CDYL2: variants seen among roughly 807,000 people sequenced by gnomAD.
CDYL2 encodes the protein chromodomain Y like 2.
A neutral mutation model predicts 49.4 loss-of-function variants in CDYL2; 23 were observed. The observed-to-expected ratio is 0.47, with a 90% CI of 0.34 to 0.66. CDYL2 has a LOEUF of 0.66. CDYL2 is among the 30% of genes least tolerant of loss of function. The pLI is 0.01. For missense variants in CDYL2, 678 were observed against 656.4 expected, an observed-to-expected ratio of 1.03 and a Z score of -0.36; for synonymous variants, 360 against 268.8, an observed-to-expected ratio of 1.34 and a Z score of -3.32.
At chr16:80,776,626 T>A (rs1907092149) in intron 1 of CDYL2, among the ~76,000 whole-genome samples, 1 of 150,294 alleles carries the variant, frequency 6.7e-6, no homozygotes, top group Admixed American at 6.6e-5. Context: ...TAATATTTTG[T>A]GTATTTATAT....
chr16:80,723,467 G>C (rs1364433348), intron 1 of CDYL2, among the ~76,000 whole-genome samples: 1 of 152,132 alleles, frequency 6.6e-6, no homozygotes, highest in Non-Finnish European at 1.5e-5. Context: ...TAAACTCCAG[G>C]TTCCCCAAAT....
chr16:80,612,625 C>A lies in CDYL2; in HGVS notation c.1218+1G>T. 1 of 1,601,758 alleles carries A rather than the reference C, an allele frequency of 6.2e-7. No individual in the cohort carries two copies. ...GAATCCAGGTATCACAGGAGGCTTA[C>A]CAGCGCGACGCCCAGGATCTGGGGG... On this transcript the variant is annotated splice_donor_variant, in intron 5 of 6. Transcript: ENST00000570137. LOFTEE classifies it high-confidence loss of function. This position sits in a 1 kb window ranked among gnomAD's most constrained non-coding sequence, Gnocchi z 5.0.
At chr16:80,641,909 A>G (rs1016013829) in intron 2 of CDYL2, among the ~76,000 whole-genome samples, 23 of 134,714 alleles carry the variant, frequency 1.7e-4, no homozygotes, top group Admixed American at 7.7e-4. Context: ...ATAAAAAAAT[A>G]AAAAAAAAAA....
chr16:80,629,467 T>C (rs1273495733), intron 3 of CDYL2, among the ~76,000 whole-genome samples: 5 of 152,180 alleles, frequency 3.3e-5, no homozygotes, highest in Non-Finnish European at 7.4e-5. Flanking sequence ...GTCTGCTGTG[T>C]TCCTGAGAGT....
At chr16:80,620,738 G>C in intron 4 of CDYL2, 25 bp downstream of exon 4, 1 of 1,557,838 alleles carries the variant, frequency 6.4e-7, no homozygotes, top group Middle Eastern at 1.7e-4. Flanking sequence ...GGACCCCAGG[G>C]TGTGTGAAAA....
At chr16:80,621,051 G>A (rs1015845297) in intron 3 of CDYL2, 116 bp from the exon 4 acceptor site, 1 of 1,188,354 alleles carries the variant, frequency 8.4e-7, no homozygotes, top group Non-Finnish European at 1.1e-6. Context: ...CAGGGAATCT[G>A]CTTCTGCCTG....
At chr16:80,616,362 G>A (rs944466425) in intron 4 of CDYL2, among the ~76,000 whole-genome samples, 2 of 152,174 alleles carry the variant, frequency 1.3e-5, no homozygotes, top group African/African-American at 2.4e-5. Context: ...TATTATTATG[G>A]GTAGTGCATC....
chr16:80,626,232 G>A (rs371859472), intron 3 of CDYL2, among the ~76,000 whole-genome samples: 87 of 136,264 alleles, frequency 6.4e-4, no homozygotes, highest in African/African-American at 1.6e-3. Context: ...AACCGAGATC[G>A]TACCACCGTA....
Position 80,704,153 on chromosome 16 carries a change from T to G in CDYL2, c.25-19024A>C, listed in dbSNP as rs142864188. On this transcript the variant is annotated intron_variant, in intron 1 of 6. Transcript: ENST00000570137. ...AAACCTCATTAACCAACTCCCTTCT[T>G]TCCTTTCGCACCCTCATCCAAGCCA... Among the ~76,000 whole-genome samples, 258 of 152,264 alleles carry G rather than the reference T, an allele frequency of 1.7e-3. 2 individuals are homozygous for G. Among genetic ancestry groups the G allele is most frequent in the African/African-American group, 6.0e-3 (248 of 41,556 alleles).
chr16:80,760,707 T>C (rs555483771), intron 1 of CDYL2, among the ~76,000 whole-genome samples: 2 of 152,098 alleles, frequency 1.3e-5, no homozygotes, highest in East Asian at 1.9e-4. Context: ...GCTTCTATTA[T>C]TGACTGGGGG....
chr16:80,731,807 T>C (rs1257725929), intron 1 of CDYL2, among the ~76,000 whole-genome samples: 1 of 152,012 alleles, frequency 6.6e-6, no homozygotes, highest in East Asian at 1.9e-4. Context: ...TAACTTTCCA[T>C]CTAACTCTCT....
chr16:80,773,073 C>T (rs896147280), intron 1 of CDYL2, among the ~76,000 whole-genome samples: 1 of 151,844 alleles, frequency 6.6e-6, no homozygotes, highest in African/African-American at 2.4e-5. Flanking sequence ...ACATGTAAAA[C>T]ATATGCATAC....
rs750535092 is a variant in CDYL2 at position 80,804,145 on chromosome 16, C to G, written c.24+5G>C. ...GGGCCGGCCCGCGCCCCCGCGTCCC[C>G]GTACCTCGTAAAGGTCCCCAGAAGC... On this transcript the variant is annotated splice_donor_5th_base_variant and intron_variant, in intron 1 of 6. Transcript: ENST00000570137. 18 of 1,247,550 alleles carry G rather than the reference C, an allele frequency of 1.4e-5. No homozygotes were observed. In the East Asian group the frequency reaches 6.3e-4, roughly 44 times the overall value. The allele number at this position is 1,247,550 out of a possible 1,614,324, so 77.3% of individuals were successfully genotyped here.
intron 1 of CDYL2, among the ~76,000 whole-genome samples, chr16:80,769,224 C>A (rs141816356): frequency 2.0e-5 from 3 of 152,156 alleles, no homozygotes; most frequent in Non-Finnish European, 4.4e-5. Flanking sequence ...GGGATAGGAT[C>A]GCATTCTAAT....
intron 1 of CDYL2, among the ~76,000 whole-genome samples, chr16:80,729,108 T>A (rs1905249852): frequency 6.6e-6 from 1 of 151,950 alleles, no homozygotes; most frequent in Admixed American, 6.6e-5. Flanking sequence ...CAATATTAAC[T>A]TTAAATGTAA....
chr16:80,605,590 G>GTC (rs1165266715), intron 6 of CDYL2, among the ~76,000 whole-genome samples: 1 of 150,612 alleles, frequency 6.6e-6, no homozygotes, highest in Non-Finnish European at 1.5e-5. Flanking sequence ...AATAATCATA[G>GTC]TAACAGTAAT....
At position 80,731,355 on chromosome 16, in the gene CDYL2, T is replaced by C. The variant is rs372606443; in HGVS notation, c.25-46226A>G. On this transcript the variant is annotated intron_variant, in intron 1 of 6. Coordinates refer to ENST00000570137, the MANE Select transcript of CDYL2 (RefSeq NM_152342.4). ...TACAGGAGAGGAAATGCAAGAAATT[T>C]AGAGGACCAAGAAATCCAACATCTG... is the stretch of plus-strand genomic sequence containing the variant. Among the ~76,000 whole-genome samples, 52 of 152,100 alleles carry C rather than the reference T, an allele frequency of 3.4e-4. No individual in the cohort carries two copies. In the South Asian group the frequency reaches 0.01, roughly 30 times the overall value.
chr16:80,623,876 G>C (rs1028211248), intron 3 of CDYL2, among the ~76,000 whole-genome samples: 2 of 152,128 alleles, frequency 1.3e-5, no homozygotes, highest in Non-Finnish European at 2.9e-5. Flanking sequence ...GTGTGGCTAC[G>C]GGAGCAGCAG....
chr16:80,620,008 G>A (rs892780243), intron 4 of CDYL2, among the ~76,000 whole-genome samples: 4 of 152,202 alleles, frequency 2.6e-5, no homozygotes, highest in African/African-American at 7.2e-5. Flanking sequence ...TCCTTCTCAT[G>A]TGACCAGGGG....
Sources: gnomAD v4.1 joint callset for allele counts (sites outside exome capture counted in the v4.1 genomes callset) on GRCh38, gnomAD v4.1.1 for gene constraint, Gnocchi (gnomAD v3.1) non-coding constraint, MANE v1.5 for transcripts, NCBI Gene and HGNC (gene_info 2026-07-23, HGNC 2026-07-21) for gene names.